Variants in SDK1 observed in about 807,000 individuals in gnomAD.
SDK1 encodes the protein sidekick cell adhesion molecule 1, also known as protein sidekick-1.
A neutral mutation model predicts 245.5 loss-of-function variants in SDK1; 157 were observed. That is an observed-to-expected ratio of 0.64 (90% confidence interval 0.56 to 0.73). The LOEUF (loss-of-function observed/expected upper bound fraction) is 0.73. Among genes scored for constraint, SDK1 ranks in the 30% least tolerant of loss-of-function variants. The pLI is 0.00. For synonymous variants in SDK1, 1,647 were observed against 1,278.5 expected, an observed-to-expected ratio of 1.29 and a Z score of -6.15; for missense variants, 3,583 against 3,002.3, an observed-to-expected ratio of 1.19 and a Z score of -4.52.
At chr7:3,396,599 T>G (rs951961701) in intron 1 of SDK1, among the ~76,000 whole-genome samples, 1 of 151,838 alleles carries the variant, frequency 6.6e-6, no homozygotes, top group Non-Finnish European at 1.5e-5. Flanking sequence ...TACCCTCTTA[T>G]TATAAAATTT....
chr7:3,475,059 T>C (rs1404777461), intron 1 of SDK1, among the ~76,000 whole-genome samples: 1 of 152,194 alleles, frequency 6.6e-6, no homozygotes, highest in Non-Finnish European at 1.5e-5. Context: ...ATTTTCCACA[T>C]GGCAACCAGG....
In SDK1 at chr7:4,220,101, G is replaced by C. The variant is rs375127879; in HGVS notation, c.5540-8G>C. On this transcript the variant is annotated splice_polypyrimidine_tract_variant and splice_region_variant and intron_variant, in intron 38 of 44. Coordinates refer to ENST00000404826, the MANE Select transcript of SDK1 (RefSeq NM_152744.4). ...CCCCCTTGTTTCCTTTGCTTCTGGC[G>C]GCTGCAGGGGTGAGCAAGGTGGTGA... 4 of 1,611,198 alleles carry C rather than the reference G, an allele frequency of 2.5e-6. No homozygotes were observed. In the South Asian group the frequency reaches 4.4e-5, roughly 18 times the overall value.
chr7:3,412,824 T>G (rs1779251338), intron 1 of SDK1, among the ~76,000 whole-genome samples: 1 of 152,214 alleles, frequency 6.6e-6, no homozygotes, highest in South Asian at 2.1e-4. Flanking sequence ...ATTTAAGGAA[T>G]GTGACCTTCC....
chr7:4,186,188 C>T (rs1228934352), intron 35 of SDK1, among the ~76,000 whole-genome samples: 3 of 152,232 alleles, frequency 2.0e-5, no homozygotes, highest in East Asian at 1.9e-4. Context: ...CCACGCTGAC[C>T]GAAAACTGAT....
chr7:4,239,294 C>A (rs1209566092), intron 42 of SDK1, among the ~76,000 whole-genome samples: 1 of 152,214 alleles, frequency 6.6e-6, no homozygotes, highest in African/African-American at 2.4e-5. Flanking sequence ...ATCCTGCTTG[C>A]CTGTTGGTGG....
intron 1 of SDK1, among the ~76,000 whole-genome samples, chr7:3,584,142 G>T (rs748090303): frequency 6.6e-6 from 1 of 152,222 alleles, no homozygotes; most frequent in Non-Finnish European, 1.5e-5. Flanking sequence ...ATTGTAAAAA[G>T]ATTCTGTGCT....
intron 5 of SDK1, among the ~76,000 whole-genome samples, chr7:3,882,416 C>T (rs1021323216): frequency 6.6e-6 from 1 of 152,158 alleles, no homozygotes; most frequent in Non-Finnish European, 1.5e-5. Flanking sequence ...GCGGGAGGCC[C>T]CTCTTTCTCT....
intron 1 of SDK1, among the ~76,000 whole-genome samples, chr7:3,496,366 A>G (rs1782026662): frequency 6.6e-6 from 1 of 152,134 alleles, no homozygotes; most frequent in Admixed American, 6.5e-5. Context: ...ATTATTTAAC[A>G]GATTCTGAAT....
chr7:3,761,260 C>T (rs1171497165), intron 4 of SDK1, among the ~76,000 whole-genome samples: 101 of 93,658 alleles, frequency 1.1e-3, no homozygotes, highest in Middle Eastern at 8.1e-3. Context: ...GCCCCCCCTC[C>T]TTTTTTTTTT....
chr7:4,051,219 ATATAC>A (rs1224064908), intron 18 of SDK1, among the ~76,000 whole-genome samples: 2 of 142,450 alleles, frequency 1.4e-5, no homozygotes, highest in South Asian at 2.1e-4. Context: ...TATACATAAC[ATATAC>A]TATATATGTT....
At chr7:3,561,336 T>C (rs1779744621) in intron 1 of SDK1, among the ~76,000 whole-genome samples, 1 of 152,210 alleles carries the variant, frequency 6.6e-6, no homozygotes, top group African/African-American at 2.4e-5. Flanking sequence ...CTGAGCTGCT[T>C]TCCTTGGGCG....
Position 4,114,031 on chromosome 7 carries a change from T to A in SDK1, c.3586-6T>A. On this transcript the variant is annotated splice_polypyrimidine_tract_variant and splice_region_variant and intron_variant, in intron 24 of 44. Transcript: ENST00000404826. ...CAGCTCATCGCGACTCCTCGTTCCT[T>A]CCTAGCCCCTGCCGGATTCTCAGTA... 1 of 1,613,438 alleles carries A rather than the reference T, an allele frequency of 6.2e-7. No homozygotes were observed. Among genetic ancestry groups the A allele is most frequent in the Non-Finnish European group, 8.5e-7 (1 of 1,179,404 alleles).
chr7:3,580,988 AAAAAAAC>A (rs1422484364), intron 1 of SDK1, among the ~76,000 whole-genome samples: 5 of 136,736 alleles, frequency 3.7e-5, no homozygotes, highest in Admixed American at 7.5e-5. Flanking sequence ...AAAAAAAAAA[AAAAAAAC>A]CAAAACAAAA....
chr7:4,233,489 A>G, intron 41 of SDK1, 70 bp downstream of exon 41: 1 of 1,328,288 alleles, frequency 7.5e-7, no homozygotes, highest in Non-Finnish European at 1.0e-6. Context: ...AGGGGGACCC[A>G]GGGAGGTCTG....
At chr7:3,798,998 T>G (rs1428369214) in intron 4 of SDK1, among the ~76,000 whole-genome samples, 2 of 152,204 alleles carry the variant, frequency 1.3e-5, no homozygotes, top group African/African-American at 4.8e-5. Flanking sequence ...CTTCTACATT[T>G]ATTAATTTGA....
intron 1 of SDK1, among the ~76,000 whole-genome samples, chr7:3,440,030 C>A (rs1166064231): frequency 6.6e-6 from 1 of 152,104 alleles, no homozygotes; most frequent in Non-Finnish European, 1.5e-5. Context: ...GACATATTCA[C>A]AGTAGTCCCC....
intron 7 of SDK1, among the ~76,000 whole-genome samples, chr7:3,956,034 C>T (rs1185987059): frequency 6.6e-6 from 1 of 152,196 alleles, no homozygotes; most frequent in African/African-American, 2.4e-5. Flanking sequence ...GGCATGAGAA[C>T]CTTTCCCTGA....
At chr7:3,761,553 CA>C (rs1307806673) in intron 4 of SDK1, among the ~76,000 whole-genome samples, 5,569 of 99,290 alleles carry the variant, frequency 0.056, 341 homozygotes, top group African/African-American at 0.17. Flanking sequence ...GACTCCATCT[CA>C]AAAAAAAAAA....
chr7:3,936,543 C>G (rs898723429), intron 5 of SDK1, among the ~76,000 whole-genome samples: 11 of 151,476 alleles, frequency 7.3e-5, no homozygotes, highest in African/African-American at 2.2e-4. Context: ...CTAGATCACG[C>G]CACAGCACTC....
Sources: gnomAD v4.1 joint callset for allele counts (sites outside exome capture counted in the v4.1 genomes callset) on GRCh38, gnomAD v4.1.1 for gene constraint, MANE v1.5 for transcripts, NCBI Gene and HGNC (gene_info 2026-07-23, HGNC 2026-07-21) for gene names.